DNAH5: variants seen among roughly 807,000 people sequenced by gnomAD.
The protein encoded by DNAH5 is axonemal beta dynein heavy chain 5.
Under a neutral mutation model 518.2 loss-of-function variants are expected in DNAH5, and 372 were observed. The ratio of observed to expected loss-of-function variants is 0.72; its 90% CI spans 0.66 to 0.78. DNAH5 has a LOEUF of 0.78. Among genes scored for constraint, DNAH5 ranks in the 30% least tolerant of loss-of-function variants. DNAH5 has a pLI of 0.00. For missense variants in DNAH5, 5,523 were observed against 5,687.0 expected (o/e 0.97, Z 0.93); for synonymous variants, 2,039 against 2,025.9 (o/e 1.01, Z -0.17).
At chr5:13,812,992 G>A (rs991080643) in intron 43 of DNAH5, among the ~76,000 whole-genome samples, 5 of 152,116 alleles carry the variant, frequency 3.3e-5, no homozygotes, top group African/African-American at 4.8e-5. Flanking sequence ...ACCGAAAGAC[G>A]ACATTCACTA....
rs571982085 is a variant in DNAH5, at chr5:13,886,260, G to A, written c.2578-131C>T. On this transcript the variant is annotated intron_variant, in intron 17 of 78. Transcript: ENST00000265104. ...TGAGATTTCAGCCCCAGTGATGCTT[G>A]GCCACATCCTTCACAATAGCACAGG... 6.7e-6 allele frequency: 6 copies of A among 900,014 alleles called. No homozygotes were observed. The African/African-American group carries it at 1.0e-4, about 15-fold the overall frequency. 55.8% of individuals were successfully genotyped at this position (900,014 alleles called of 1,614,324 possible). A position where few individuals can be genotyped will look rare whatever the true frequency, so the allele number is the denominator to read the frequency against.
intron 3 of DNAH5, among the ~76,000 whole-genome samples, chr5:13,925,586 G>C (rs772276551): frequency 6.6e-6 from 1 of 152,142 alleles, no homozygotes; most frequent in Admixed American, 6.5e-5. Flanking sequence ...CAGGCAAAGA[G>C]AGGATAAGAC....
chr5:13,980,324 C>A (rs147702187), intron 1 of DNAH5, among the ~76,000 whole-genome samples: 111 of 152,260 alleles, frequency 7.3e-4, no homozygotes, highest in African/African-American at 2.6e-3. Context: ...CAGTGAACCT[C>A]CAATTTCTTA....
At chr5:13,911,099 C>A (rs148017367) in intron 12 of DNAH5, among the ~76,000 whole-genome samples, 1 of 152,110 alleles carries the variant, frequency 6.6e-6, no homozygotes, top group African/African-American at 2.4e-5. Context: ...CCAATCGTGC[C>A]GCAATGTTCA....
chr5:13,841,752 G>A lies in DNAH5; in HGVS notation c.5424C>T (p.Ala1808=), dbSNP rs915691287. The change falls in exon 33 of 79, where the codon GCC becomes GCT. Residue 1808 remains alanine (A), a synonymous_variant. Transcript: ENST00000265104. ...SSLHLVIRQA[A]ANIQETGFQL... Reference sequence around the variant, plus strand: ...GGAAACCTGTTTCTTGAATATTTGCGGCTGCCTGGCGAATCACAAGATGCA... The same window carrying A: ...GGAAACCTGTTTCTTGAATATTTGCAGCTGCCTGGCGAATCACAAGATGCA... 11 of 1,613,890 alleles carry A rather than the reference G, an allele frequency of 6.8e-6. 1 individual carries two copies. Among genetic ancestry groups the A allele is most frequent in the Admixed American group, 6.7e-5 (4 of 59,996 alleles).
chr5:13,878,373 G>A (rs1258818910), intron 21 of DNAH5, among the ~76,000 whole-genome samples: 1 of 152,188 alleles, frequency 6.6e-6, no homozygotes, highest in African/African-American at 2.4e-5. Context: ...ATGCAGAAAA[G>A]GATCAAGAAT....
chr5:13,776,689 A>T lies in DNAH5; in HGVS notation c.9123T>A (p.Ala3041=), dbSNP rs1038405124. ...LSSGEVSNLF[A]RDEIDEINSD... The stretch of plus-strand genomic sequence containing the variant: ...TATTAATTTCATCAATTTCATCTCG[A>T]GCAAATAGGTTAGAGACCTTAAAAA... The change falls in exon 55 of 79, where the codon GCT becomes GCA. Residue 3041 remains alanine, a synonymous_variant. Transcript: ENST00000265104. 1 of 1,613,572 alleles carries T rather than the reference A, an allele frequency of 6.2e-7. No homozygotes were observed. The highest frequency in any genetic ancestry group is 8.5e-7 in the Non-Finnish European group (1 of 1,179,766).
chr5:13,842,437 A>AAGAGAGAGAGAGAGAGAGAGAGAGAG (rs1367769157), intron 32 of DNAH5, among the ~76,000 whole-genome samples: 7 of 91,326 alleles, frequency 7.7e-5, no homozygotes, highest in African/African-American at 2.7e-4. Context: ...GAAAGAAAGA[A>AAGAGAGAGAGAGAGAGAGAGAGAGAG]AGAAAGAAAG....
chr5:13,988,276 C>G (rs1263416196), intron 1 of DNAH5, among the ~76,000 whole-genome samples: 1 of 152,204 alleles, frequency 6.6e-6, no homozygotes, highest in East Asian at 1.9e-4. Context: ...TTTGATGCCA[C>G]TGTCCCTTTG....
At position 13,770,811 on chromosome 5, in the gene DNAH5, A is replaced by C; in HGVS notation, c.9543T>G (p.Phe3181Leu). Residue 3181 changes from phenylalanine (F) to leucine (L), a missense_variant, in exon 56 of 79, where the codon TTT (phenylalanine) becomes TTG (leucine). By Grantham distance (22) the Phe-to-Leu change is conservative (BLOSUM62 0). Transcript: ENST00000265104. ...THVTPKSYLS[F>L]IQGYKFIYGE... ...CATATATGAACTTATAGCCCTGAAT[A>C]AAGGAGAGGTATGATTTGGGCGTCA... 1 of 1,614,064 alleles carries C rather than the reference A, an allele frequency of 6.2e-7. No homozygotes were observed. Among genetic ancestry groups the C allele is most frequent in the South Asian group, 1.1e-5 (1 of 91,084 alleles).
chr5:13,808,545 G>T (rs76016514), intron 46 of DNAH5, among the ~76,000 whole-genome samples: 3,171 of 152,314 alleles, frequency 0.021, 92 homozygotes, highest in African/African-American at 0.069. Context: ...AATAATTACT[G>T]ACTTATGAAT....
At chr5:13,938,522 G>GTA (rs1035631235) in intron 1 of DNAH5, among the ~76,000 whole-genome samples, 1 of 148,658 alleles carries the variant, frequency 6.7e-6, no homozygotes, top group Non-Finnish European at 1.5e-5. Context: ...TTTGTCATAG[G>GTA]TATATATATG....
intron 1 of DNAH5, among the ~76,000 whole-genome samples, chr5:13,951,724 T>C (rs904860690): frequency 1.3e-5 from 2 of 152,162 alleles, no homozygotes; most frequent in African/African-American, 4.8e-5. Flanking sequence ...CACACCACCC[T>C]GCAGAAACCA....
At position 13,700,586 on chromosome 5, in the gene DNAH5, A is replaced by G. The variant is rs1741960559; in HGVS notation, c.13723+54T>C. The G allele has an allele frequency of 4.1e-6, 6 of 1,480,164 alleles. No individual in the cohort carries two copies. In the Admixed American group the frequency reaches 8.4e-5, roughly 21 times the overall value. The allele number at this position is 1,480,164 out of a possible 1,614,324, so 91.7% of individuals were successfully genotyped here. A position where few individuals can be genotyped will look rare whatever the true frequency, so the allele number is the denominator to read the frequency against. ...AAAAATAATGAAATCCTGTGTTGAT[A>G]ATGTCATCCAAACGAACAATGCGAG... On this transcript the variant is annotated intron_variant, in intron 78 of 78. Coordinates refer to ENST00000265104, the MANE Select transcript of DNAH5 (RefSeq NM_001369.3).
chr5:13,730,069 A>C (rs185814779), intron 68 of DNAH5, among the ~76,000 whole-genome samples: 13 of 152,328 alleles, frequency 8.5e-5, no homozygotes, highest in South Asian at 6.2e-4. Flanking sequence ...TCTTCTATAA[A>C]TCAGTATATT....
At chr5:13,946,862 G>T (rs1313941876), upstream of DNAH5, among the ~76,000 whole-genome samples, 2 of 152,196 alleles carry the variant, frequency 1.3e-5, no homozygotes, top group Non-Finnish European at 2.9e-5. Context: ...TGCCTTTTAC[G>T]CAGCCAGACG....
chr5:13,796,839 G>A (rs1443637334), intron 47 of DNAH5, among the ~76,000 whole-genome samples: 4 of 152,120 alleles, frequency 2.6e-5, no homozygotes, highest in African/African-American at 9.7e-5. Context: ...CATGGTACTG[G>A]TACCAAAACA....
intron 38 of DNAH5, among the ~76,000 whole-genome samples, chr5:13,826,267 G>C (rs896611015): frequency 6.6e-6 from 1 of 152,240 alleles, no homozygotes; most frequent in East Asian, 1.9e-4. Context: ...GAGGGAAGTA[G>C]TGAAGTGGTA....
At chr5:13,815,387 G>A (rs897645705) in intron 42 of DNAH5, among the ~76,000 whole-genome samples, 2 of 152,130 alleles carry the variant, frequency 1.3e-5, no homozygotes, top group African/African-American at 4.8e-5. Context: ...TAATACAATG[G>A]ACTGAATGTT....
Sources: gnomAD v4.1 joint callset for allele counts (sites outside exome capture counted in the v4.1 genomes callset) on GRCh38, gnomAD v4.1.1 for gene constraint, MANE v1.5 for transcripts, NCBI Gene and HGNC (gene_info 2026-07-23, HGNC 2026-07-21) for gene names.